RABGAP1L: variants seen among roughly 807,000 people sequenced by gnomAD.
The protein encoded by RABGAP1L is RAB GTPase activating protein 1 like.
A neutral mutation model predicts 137.7 loss-of-function variants in RABGAP1L; 63 were observed. The observed-to-expected ratio is 0.46, with a 90% CI of 0.37 to 0.56. The LOEUF (loss-of-function observed/expected upper bound fraction) is 0.56. Among genes scored for constraint, RABGAP1L ranks in the 20% least tolerant of loss-of-function variants. The pLI is 0.00. For missense variants in RABGAP1L, 1,095 were observed against 1,244.0 expected, an observed-to-expected ratio of 0.88 and a Z score of 1.80; for synonymous variants, 431 against 433.7, an observed-to-expected ratio of 0.99 and a Z score of 0.08.
intron 10 of RABGAP1L, among the ~76,000 whole-genome samples, chr1:174,284,224 T>C (rs1675849328): frequency 6.6e-6 from 1 of 152,212 alleles, no homozygotes; most frequent in Non-Finnish European, 1.5e-5. Flanking sequence ...CTGAAAGTTT[T>C]TACCCTTTGA....
chr1:174,672,097 A>G (rs979968021), intron 14 of RABGAP1L, among the ~76,000 whole-genome samples: 6 of 152,000 alleles, frequency 3.9e-5, no homozygotes. Context: ...ATTCTAAGTT[A>G]TCTAATTCGT....
intron 7 of RABGAP1L, among the ~76,000 whole-genome samples, chr1:174,255,306 C>G (rs1673030445): frequency 6.6e-6 from 1 of 152,086 alleles, no homozygotes; most frequent in Non-Finnish European, 1.5e-5. Context: ...TTATATTTTG[C>G]ATACAGGAAC....
intron 13 of RABGAP1L, among the ~76,000 whole-genome samples, chr1:174,449,875 C>T (rs947848537): frequency 3.3e-5 from 5 of 152,114 alleles, no homozygotes; most frequent in Non-Finnish European, 7.4e-5. Flanking sequence ...TCCCTGGTTT[C>T]CTAACAGTCT....
intron 13 of RABGAP1L, among the ~76,000 whole-genome samples, chr1:174,534,791 A>T (rs1163614215): frequency 2.0e-5 from 3 of 150,556 alleles, no homozygotes; most frequent in Admixed American, 1.3e-4. Flanking sequence ...AAAAAAAAAA[A>T]AAAAAAAAAA....
intron 18 of RABGAP1L, among the ~76,000 whole-genome samples, chr1:174,792,730 T>C (rs1267164144): frequency 6.6e-6 from 1 of 152,246 alleles, no homozygotes; most frequent in Non-Finnish European, 1.5e-5. Context: ...TAACTGAGCC[T>C]AGTTACTAGA....
intron 13 of RABGAP1L, among the ~76,000 whole-genome samples, chr1:174,446,888 A>G (rs1654831161): frequency 6.6e-6 from 1 of 152,254 alleles, no homozygotes; most frequent in Admixed American, 6.5e-5. Flanking sequence ...GAAGCCTATT[A>G]GAAATACCTA....
intron 14 of RABGAP1L, among the ~76,000 whole-genome samples, chr1:174,672,500 T>G (rs1677260042): frequency 6.6e-6 from 1 of 151,916 alleles, no homozygotes; most frequent in South Asian, 2.1e-4. Flanking sequence ...TTTCTTCTGC[T>G]AATTTTGGGC....
At chr1:174,768,059 A>G (rs1042972877) in intron 18 of RABGAP1L, among the ~76,000 whole-genome samples, 2 of 152,250 alleles carry the variant, frequency 1.3e-5, no homozygotes, top group Non-Finnish European at 2.9e-5. Flanking sequence ...TTATGCGAGT[A>G]CAATTCAAGA....
At chr1:174,251,177 A>G (rs938090640) in intron 6 of RABGAP1L, among the ~76,000 whole-genome samples, 2 of 152,190 alleles carry the variant, frequency 1.3e-5, no homozygotes, top group African/African-American at 4.8e-5. Context: ...GTAGAATAAA[A>G]ACTACGATCT....
At chr1:174,627,423 A>G (rs1445501274) in intron 13 of RABGAP1L, among the ~76,000 whole-genome samples, 5 of 152,334 alleles carry the variant, frequency 3.3e-5, no homozygotes. Flanking sequence ...TCTTTGAAAA[A>G]GAATTAAGAG....
chr1:174,910,653 A>G (rs1659910720), intron 19 of RABGAP1L, among the ~76,000 whole-genome samples: 1 of 152,244 alleles, frequency 6.6e-6, no homozygotes, highest in Non-Finnish European at 1.5e-5. Flanking sequence ...TCTTACTCAT[A>G]GAAAAACCTA....
At chr1:174,861,859 A>C (rs1286939694) in intron 19 of RABGAP1L, among the ~76,000 whole-genome samples, 1 of 152,132 alleles carries the variant, frequency 6.6e-6, no homozygotes, top group Non-Finnish European at 1.5e-5. Flanking sequence ...TTAATCCCTC[A>C]TGAGATATAT....
chr1:174,880,990 T>C (rs748937108), intron 19 of RABGAP1L, among the ~76,000 whole-genome samples: 1 of 152,036 alleles, frequency 6.6e-6, no homozygotes, highest in Non-Finnish European at 1.5e-5. Context: ...CAGCAGAGTA[T>C]AGAGGACAGT....
Position 174,694,981 on chromosome 1 carries a change from G to A in RABGAP1L, c.1900-4544G>A, listed in dbSNP as rs111274927. Among the ~76,000 whole-genome samples the A allele has an allele frequency of 4.8e-3, 725 of 151,996 alleles. 7 individuals are homozygous for A. Among genetic ancestry groups the A allele is most frequent in the African/African-American group, 0.017 (685 of 41,456 alleles). ...GTGAGCATTTTTTCATGTGTTTTTTGGCTGCATAAATGTCTTCTTTTGAGA... is the reference window on the plus strand; with the variant it reads ...GTGAGCATTTTTTCATGTGTTTTTTAGCTGCATAAATGTCTTCTTTTGAGA... On this transcript the variant is annotated intron_variant, in intron 15 of 25. Transcript: ENST00000681986.
intron 19 of RABGAP1L, among the ~76,000 whole-genome samples, chr1:174,915,084 A>C (rs1007346655): frequency 6.6e-6 from 1 of 152,066 alleles, no homozygotes; most frequent in African/African-American, 2.4e-5. Context: ...CAGTTGATGG[A>C]CTTTTTGCTT....
intron 3 of RABGAP1L, among the ~76,000 whole-genome samples, chr1:174,223,155 C>T (rs12075721): frequency 1.3e-5 from 2 of 149,796 alleles, no homozygotes; most frequent in African/African-American, 4.9e-5. Flanking sequence ...GTAGTCCCAG[C>T]TACTCAGGAG....
intron 13 of RABGAP1L, among the ~76,000 whole-genome samples, chr1:174,432,551 C>G (rs1652763098): frequency 6.6e-6 from 1 of 151,570 alleles, no homozygotes; most frequent in African/African-American, 2.4e-5. Context: ...TTCTTTTTTT[C>G]TTTTTGAGAA....
intron 11 of RABGAP1L, among the ~76,000 whole-genome samples, chr1:174,339,262 T>C (rs1241541015): frequency 6.6e-6 from 1 of 152,216 alleles, no homozygotes. Flanking sequence ...TTTCATAGAT[T>C]GACTTTGTTC....
chr1:174,837,264 G>T (rs979297820), intron 19 of RABGAP1L, among the ~76,000 whole-genome samples: 3 of 151,416 alleles, frequency 2.0e-5, no homozygotes, highest in Non-Finnish European at 2.9e-5. Context: ...TCACTATAAA[G>T]AATTTATTTT....
Sources: gnomAD v4.1 joint callset for allele counts (sites outside exome capture counted in the v4.1 genomes callset) on GRCh38, gnomAD v4.1.1 for gene constraint, MANE v1.5 for transcripts, NCBI Gene and HGNC (gene_info 2026-07-23, HGNC 2026-07-21) for gene names.